Variants in UNC79 observed in about 807,000 individuals in gnomAD.
UNC79 encodes unc-79 subunit of NALCN channel complex.
A neutral mutation model predicts 283.1 loss-of-function variants in UNC79; 37 were observed. That is an observed-to-expected ratio of 0.13 (90% CI 0.10 to 0.17). UNC79 has a LOEUF of 0.17. Among genes scored for constraint, UNC79 ranks in the 10% least tolerant of loss-of-function variants. The pLI is 1.00. For synonymous variants in UNC79, 1,107 were observed against 1,200.2 expected (o/e 0.92, Z 1.61); for missense variants, 2,272 against 3,211.1 (o/e 0.71, Z 7.07).
At position 93,655,190 on chromosome 14, in the gene UNC79, C is replaced by T. The variant is rs201898223; in HGVS notation, c.6283-44C>T. On this transcript the variant is annotated intron_variant, in intron 37 of 48. Coordinates refer to ENST00000555664, the Ensembl canonical transcript of UNC79. ...TTTACCAAATAGCGCTATGCATTCC[C>T]GTGCTGTTTCAGCAGTTGATGGCCT... 2,193 of 1,600,356 alleles carry T rather than the reference C, an allele frequency of 1.4e-3. 4 individuals carry two copies. Among genetic ancestry groups the T allele is most frequent in the Middle Eastern group, 4.7e-3 (28 of 5,986 alleles).
At chr14:93,336,743 A>G (rs903245034) in intron 1 of UNC79, among the ~76,000 whole-genome samples, 3 of 152,274 alleles carry the variant, frequency 2.0e-5, no homozygotes, top group Admixed American at 1.3e-4. Flanking sequence ...AGCAAGTCAC[A>G]GAAAACATTA....
At position 93,580,383 on chromosome 14, in the gene UNC79, A is replaced by G. The variant is rs759987123; in HGVS notation, c.2661+7A>G. Reference sequence around the variant, plus strand: ...AGAAGAAAGCCGGCTGGTGGTAAGCAGTTGAAGAAACGAGATGACCCATGT... The same window carrying G: ...AGAAGAAAGCCGGCTGGTGGTAAGCGGTTGAAGAAACGAGATGACCCATGT... On this transcript the variant is annotated splice_region_variant and intron_variant, in intron 19 of 48. Coordinates refer to ENST00000555664, the Ensembl canonical transcript of UNC79. 8.7e-6 allele frequency: 14 copies of G among 1,612,116 alleles called. No individual in the cohort carries two copies. The highest frequency in any genetic ancestry group is 1.2e-5 in the Non-Finnish European group (14 of 1,179,424).
At chr14:93,630,319 T>A (rs2067921882) in intron 30 of UNC79, among the ~76,000 whole-genome samples, 1 of 152,146 alleles carries the variant, frequency 6.6e-6, no homozygotes, top group Non-Finnish European at 1.5e-5. Flanking sequence ...TGACCCAGCA[T>A]TTTTGTTTGT....
chr14:93,540,947 CA>C, intron 13 of UNC79, 116 bp downstream of exon 13: 2 of 1,316,080 alleles, frequency 1.5e-6, no homozygotes, highest in Non-Finnish European at 2.1e-6. Flanking sequence ...TTAACCTTAG[CA>C]ATGGGGCTGA....
chr14:93,640,136 T>A (rs1449756200), intron 32 of UNC79, among the ~76,000 whole-genome samples: 1 of 152,206 alleles, frequency 6.6e-6, no homozygotes, highest in Non-Finnish European at 1.5e-5. Flanking sequence ...GTGGCTTTCT[T>A]AATGGAGAAC....
intron 5 of UNC79, among the ~76,000 whole-genome samples, chr14:93,489,065 T>A (rs576655432): frequency 2.6e-5 from 4 of 152,218 alleles, no homozygotes; most frequent in African/African-American, 4.8e-5. Flanking sequence ...CCTCAGCCTC[T>A]TGAGTAGCTG....
intron 14 of UNC79, among the ~76,000 whole-genome samples, chr14:93,560,327 A>G (rs1359254946): frequency 2.0e-5 from 3 of 152,136 alleles, no homozygotes; most frequent in African/African-American, 4.8e-5. Flanking sequence ...AAAAACAACA[A>G]TCTTCATTTA....
chr14:93,512,218 G>A (rs1411568388), intron 7 of UNC79, among the ~76,000 whole-genome samples: 8 of 151,932 alleles, frequency 5.3e-5, no homozygotes, highest in South Asian at 2.1e-4. Flanking sequence ...CTCTTTAAAC[G>A]TATCAATTCA....
At chr14:93,653,630 T>G in intron 35 of UNC79, 112 bp from the exon 39 acceptor site, 77 of 887,242 alleles carry the variant, frequency 8.7e-5, no homozygotes, top group Non-Finnish European at 1.2e-4. Flanking sequence ...AACATGACAG[T>G]GAGCTATCCC....
rs2074564520 is a variant in UNC79 at position 93,690,009 on chromosome 14, T to C, written c.7086-108T>C. 3.2e-6 allele frequency: 4 copies of C among 1,255,728 alleles called. No homozygotes were observed. Among genetic ancestry groups the C allele is most frequent in the Non-Finnish European group, 3.3e-6 (3 of 899,714 alleles). The allele number at this position is 1,255,728 out of a possible 1,614,324, so 77.8% of individuals were successfully genotyped here. ...TGCCTTGGCGTTTTGTTTTATGTGA[T>C]TGCCTGCAAGACCACACTTTCAATC... On this transcript the variant is annotated intron_variant, in intron 44 of 48. Transcript: ENST00000555664. This position sits in a 1 kb window ranked among gnomAD's most constrained non-coding sequence, Gnocchi z 4.3.
chr14:93,479,177 T>TTCCTTCCG (rs1319743549), intron 4 of UNC79, among the ~76,000 whole-genome samples: 1 of 67,542 alleles, frequency 1.5e-5, no homozygotes, highest in African/African-American at 4.9e-5. Context: ...GGCTGTTTCC[T>TTCCTTCCG]TCCTTCCTTC....
chr14:93,357,707 A>ATATATATATATATATGGATATATGGATG (rs2054119179), intron 1 of UNC79, among the ~76,000 whole-genome samples: 1 of 122,508 alleles, frequency 8.2e-6, no homozygotes, highest in Non-Finnish European at 1.7e-5. Flanking sequence ...ATATATATAT[A>ATATATATATATATATGGATATATGGATG]TATATATATA....
chr14:93,643,855 C>T lies in UNC79; in HGVS notation c.6044+158C>T, dbSNP rs145021011. ...ACTAGTTTTAAAAACCAAATAGACT[C>T]GTCTTTCGACTGAATTCTCCAGCTG... On this transcript the variant is annotated intron_variant, in intron 34 of 48. Coordinates refer to ENST00000555664, the Ensembl canonical transcript of UNC79. 2.0e-4 allele frequency among the ~76,000 whole-genome samples: 30 copies of T among 152,306 alleles called. 1 individual carries two copies. The East Asian group carries it at 5.8e-3, about 29-fold the overall frequency.
intron 7 of UNC79, among the ~76,000 whole-genome samples, chr14:93,513,223 T>C (rs80336047): frequency 1.1e-3 from 74 of 65,556 alleles, no homozygotes; most frequent in South Asian, 2.9e-3. Context: ...TCCTTCCTTC[T>C]TTCCTTCCTT....
At chr14:93,600,004 A>G (rs1018190130) in intron 24 of UNC79, among the ~76,000 whole-genome samples, 4 of 151,982 alleles carry the variant, frequency 2.6e-5, no homozygotes, top group East Asian at 1.9e-4. Flanking sequence ...GATCGAGACC[A>G]TCCGGCTAAC....
intron 14 of UNC79, among the ~76,000 whole-genome samples, chr14:93,545,978 G>A (rs2061580191): frequency 1.3e-5 from 2 of 152,158 alleles, no homozygotes. Flanking sequence ...GGGAGTTGAA[G>A]CTGTCCTCTT....
chr14:93,464,743 G>A (rs2057095739), intron 1 of UNC79, among the ~76,000 whole-genome samples: 1 of 152,102 alleles, frequency 6.6e-6, no homozygotes, highest in Non-Finnish European at 1.5e-5. Context: ...TATCTATTGG[G>A]CCCAATTATT....
chr14:93,655,557 T>C, intron 38 of UNC79, 150 bp downstream of exon 41: 2 of 904,666 alleles, frequency 2.2e-6, no homozygotes, highest in Non-Finnish European at 3.3e-6. Context: ...CTTATTTGGG[T>C]TGTTCTGTCT....
At position 93,341,672 on chromosome 14, in the gene UNC79, G is replaced by A. The variant is rs1489354294; in HGVS notation, c.-351+8149G>A. 2.6e-5 allele frequency among the ~76,000 whole-genome samples: 4 copies of A among 151,750 alleles called. No individual in the cohort carries two copies. The East Asian group carries it at 7.7e-4, about 29-fold the overall frequency. On this transcript the variant is annotated intron_variant, in intron 1 of 49. Transcript: ENST00000256339. ...GCCTGTGTTCCCACCTACTTGGGAG[G>A]CTGAGGTGGGAGGATTGCTTGGATC...
Sources: allele counts gnomAD v4.1 joint callset (sites outside exome capture counted in the v4.1 genomes callset), GRCh38; gene constraint gnomAD v4.1.1; non-coding constraint Gnocchi (gnomAD v3.1); transcripts MANE v1.5; gene names NCBI Gene and HGNC (gene_info 2026-07-23, HGNC 2026-07-21).